The following BROX variants were observed in gnomAD, a reference collection of about 807,000 sequenced individuals.
BROX encodes the protein BRO1 domain and CAAX motif containing.
Under a neutral mutation model 61.0 loss-of-function variants are expected in BROX, and 53 were observed. The ratio of observed to expected loss-of-function variants is 0.87; its 90% confidence interval spans 0.70 to 1.09. The LOEUF is 1.09. BROX is among the 50% of genes least tolerant of loss of function. BROX has a pLI of 0.00. For missense variants in BROX, 489 were observed against 472.0 expected (o/e 1.04, Z -0.33); for synonymous variants, 152 against 160.2 (o/e 0.95, Z 0.38).
chr1:222,722,867 G>C (rs74367745), intron 5 of BROX, among the ~76,000 whole-genome samples: 27,072 of 152,088 alleles, frequency 0.18, 3,547 homozygotes, highest in African/African-American at 0.37. Flanking sequence ...TTTTTATAAC[G>C]TATACTCTTA....
In BROX at chr1:222,730,077, C is replaced by A; in HGVS notation, c.889C>A (p.Pro297Thr). The A allele has an allele frequency of 6.2e-7, 1 of 1,613,320 alleles. No homozygotes were observed. Among genetic ancestry groups the A allele is most frequent in the Admixed American group, 1.7e-5 (1 of 59,902 alleles). The change falls in exon 11 of 13, where the codon CCT becomes ACT. Residue 297 changes from proline (P) to threonine (T), a missense_variant. Pro to Thr is a conservative substitution (Grantham distance 38). Coordinates refer to ENST00000340934, the MANE Select transcript of BROX (RefSeq NM_144695.4). ...TAAAGAATATGGAGAAACCAAAGGA[C>A]CTGGACCAACAGTCAAACCTTCAGG... ...LCKEYGETKGPGPTVKPSGHL... is the reference protein window; with the variant it reads ...LCKEYGETKGTGPTVKPSGHL...
chr1:222,728,897 C>G (rs1240428725), intron 9 of BROX, 69 bp downstream of exon 9: 2 of 1,128,872 alleles, frequency 1.8e-6, no homozygotes, highest in South Asian at 3.0e-5. Context: ...CCAGGTCTCT[C>G]ATCTCACCAG....
chr1:222,719,782 C>CT, intron 4 of BROX, among the ~76,000 whole-genome samples: 1 of 152,312 alleles, frequency 6.6e-6, no homozygotes, highest in South Asian at 2.1e-4. Context: ...ACTCCATACT[C>CT]TTGATTCACA....
rs916116552 is a variant in BROX, at chr1:222,712,864, C to T, written c.-95C>T. ...TCTGTAGTCTCGGTTCTCCGACTCC[C>T]TCTTTTTCTCGCTTGTGGACTCCGA... On this transcript the variant is annotated 5_prime_UTR_variant, in exon 1 of 13. Transcript: ENST00000340934. The T allele has an allele frequency of 4.1e-5, 52 of 1,272,636 alleles. No individual in the cohort carries two copies. In the African/African-American group the frequency reaches 7.5e-4, roughly 18 times the overall value. 78.8% of individuals were successfully genotyped at this position (1,272,636 alleles called of 1,614,324 possible).
In BROX at chr1:222,732,704, A is replaced by T; in HGVS notation, c.1226A>T (p.Tyr409Phe). The T allele has an allele frequency of 6.2e-7, 1 of 1,610,488 alleles. No homozygotes were observed. Among genetic ancestry groups the T allele is most frequent in the African/African-American group, 1.3e-5 (1 of 74,928 alleles). ...AAACCTCAAAAGGACACTGGGTGCT[A>T]CATCTCCTAAAATACAACTTGCACT... ...DIKPQKDTGC[Y>F]IS Residue 409 changes from tyrosine to phenylalanine, a missense_variant, in exon 13 of 13, where the codon TAC becomes TTC. Tyr to Phe is a conservative substitution (Grantham distance 22). Transcript: ENST00000340934.
chr1:222,721,971 C>G (rs201980702), intron 4 of BROX, among the ~76,000 whole-genome samples: 1 of 152,040 alleles, frequency 6.6e-6, no homozygotes, highest in East Asian at 1.9e-4. Context: ...TTTATATATA[C>G]CATTAAACCT....
In BROX at chr1:222,732,751, T is replaced by C; in HGVS notation, c.*37T>C. On this transcript the variant is annotated 3_prime_UTR_variant, in exon 13 of 13. Transcript: ENST00000340934. ...CACTTAGAATTTCTCTAGCAGTAAA[T>C]AAGATAAACCACAGAATTTCAGTTC... The C allele has an allele frequency of 6.8e-7, 1 of 1,469,738 alleles. No individual in the cohort carries two copies. Among genetic ancestry groups the C allele is most frequent in the Non-Finnish European group, 9.5e-7 (1 of 1,057,058 alleles). 91.0% of individuals were successfully genotyped at this position (1,469,738 alleles called of 1,614,324 possible). A position where few individuals can be genotyped will look rare whatever the true frequency, so the allele number is the denominator to read the frequency against.
rs541801275 is a variant in BROX at position 222,712,868 on chromosome 1, T to C, written c.-91T>C. The C allele has an allele frequency of 7.9e-7, 1 of 1,271,010 alleles. No individual in the cohort carries two copies. Among genetic ancestry groups the C allele is most frequent in the Non-Finnish European group, 1.0e-6 (1 of 977,076 alleles). 78.7% of individuals were successfully genotyped at this position (1,271,010 alleles called of 1,614,324 possible). A position where few individuals can be genotyped will look rare whatever the true frequency, so the allele number is the denominator to read the frequency against. On this transcript the variant is annotated 5_prime_UTR_variant, in exon 1 of 13. Transcript: ENST00000340934. ...TAGTCTCGGTTCTCCGACTCCCTCT[T>C]TTTCTCGCTTGTGGACTCCGATATA...
At chr1:222,726,652 G>A (rs1408436897) in intron 7 of BROX, among the ~76,000 whole-genome samples, 1 of 152,088 alleles carries the variant, frequency 6.6e-6, no homozygotes, top group Non-Finnish European at 1.5e-5. Context: ...GGGAGGCGGA[G>A]GTTGTGGTGA....
At chr1:222,721,775 T>A (rs1657113107) in intron 4 of BROX, among the ~76,000 whole-genome samples, 1 of 152,154 alleles carries the variant, frequency 6.6e-6, no homozygotes, top group African/African-American at 2.4e-5. Context: ...CAGTTTGCCT[T>A]CAGCTTGCTT....
chr1:222,714,579 T>G (rs1416796585), intron 1 of BROX, among the ~76,000 whole-genome samples: 12 of 151,122 alleles, frequency 7.9e-5, no homozygotes, highest in African/African-American at 2.2e-4. Context: ...GTTTTTGTTT[T>G]TTGTTTTTTT....
intron 11 of BROX, 25 bp downstream of exon 11, chr1:222,730,202 A>AT: frequency 7.2e-7 from 1 of 1,395,566 alleles, no homozygotes; most frequent in Admixed American, 2.2e-5. Flanking sequence ...ATATTACTTT[A>AT]GTAATAATAT....
At position 222,719,244 on chromosome 1, in the gene BROX, G is replaced by A. The variant is rs1656877221; in HGVS notation, c.209-19G>A. ...CTTCTAATTCTTCTAAAACTAAAAT[G>A]TCTTGTACTTTTCTATAGGTTTCAT... On this transcript the variant is annotated intron_variant, in intron 3 of 12. Transcript: ENST00000340934. 2 of 1,518,686 alleles carry A rather than the reference G, an allele frequency of 1.3e-6. No individual in the cohort carries two copies. The highest frequency in any genetic ancestry group is 1.7e-5 in the Admixed American group (1 of 58,342). The allele number at this position is 1,518,686 out of a possible 1,614,324, so 94.1% of individuals were successfully genotyped here.
At chr1:222,718,776 G>A (rs1328686481) in intron 2 of BROX, 149 bp from the exon 3 acceptor site, 1 of 657,952 alleles carries the variant, frequency 1.5e-6, no homozygotes, top group Admixed American at 3.1e-5. Flanking sequence ...GTGCATGCGT[G>A]TGTGTGTTTT....
intron 6 of BROX, among the ~76,000 whole-genome samples, chr1:222,724,800 G>T (rs971315288): frequency 9.9e-5 from 15 of 151,692 alleles, no homozygotes; most frequent in Non-Finnish European, 1.8e-4. Context: ...TTGTAGTGGG[G>T]TTTTTTTTCT....
Position 222,727,243 on chromosome 1 carries a change from T to A in BROX, c.656T>A (p.Phe219Tyr). Residue 219 changes from phenylalanine to tyrosine, a missense_variant, in exon 8 of 13, where the codon TTC becomes TAC. Physicochemically the swap from Phe to Tyr is conservative, Grantham distance 22. Coordinates refer to ENST00000340934, the MANE Select transcript of BROX (RefSeq NM_144695.4). ...GCACTGGCGTATGAAACAGCCAATT[T>A]CTATCAAAAAGCTGGTAAGCTTCTA... Reference protein sequence around the residue: ...IAALAYETANFYQKADHTLSS... With the variant: ...IAALAYETANYYQKADHTLSS... 6.2e-7 allele frequency: 1 copy of A among 1,611,198 alleles called. No individual in the cohort carries two copies. Among genetic ancestry groups the A allele is most frequent in the Non-Finnish European group, 8.5e-7 (1 of 1,177,842 alleles).
In BROX at chr1:222,731,425, C is replaced by A; in HGVS notation, c.1058C>A (p.Pro353His). The change falls in exon 12 of 13, where the codon CCT becomes CAT. Residue 353 changes from proline to histidine, a missense_variant. Transcript: ENST00000340934. ...AAAGCAAATTATGGTCTCGTAGAGC[C>A]TATACCTTTCGAATTTCCTCCTACA... ...ELKANYGLVE[P>H]IPFEFPPTSV... 1 of 1,602,964 alleles carries A rather than the reference C, an allele frequency of 6.2e-7. No individual in the cohort carries two copies. Among genetic ancestry groups the A allele is most frequent in the Non-Finnish European group, 8.5e-7 (1 of 1,177,220 alleles).
At chr1:222,730,328 G>A in intron 11 of BROX, 151 bp downstream of exon 11, 2 of 478,832 alleles carry the variant, frequency 4.2e-6, no homozygotes, top group Non-Finnish European at 6.6e-6. Flanking sequence ...AGGCGTGGTG[G>A]CTCACAACTG....
At position 222,715,760 on chromosome 1, in the gene BROX, T is replaced by G; in HGVS notation, c.61T>G (p.Tyr21Asp). Residue 21 changes from tyrosine (Y) to aspartate (D), a missense_variant, in exon 2 of 13, where the codon TAT (tyrosine) becomes GAT (aspartate). By Grantham distance (160) the Tyr-to-Asp change is radical (BLOSUM62 -3). Coordinates refer to ENST00000340934, the MANE Select transcript of BROX (RefSeq NM_144695.4). ...CACAGCTCCTGTGTCTTTTAATTAC[T>G]ATGGTGTAGTCACTGGCCCTTCTGC... ...KATAPVSFNYYGVVTGPSASK... is the reference protein window; with the variant it reads ...KATAPVSFNYDGVVTGPSASK... 6.3e-7 allele frequency: 1 copy of G among 1,596,352 alleles called. No homozygotes were observed. Among genetic ancestry groups the G allele is most frequent in the African/African-American group, 1.3e-5 (1 of 74,422 alleles).
Sources: gnomAD v4.1 joint callset for allele counts (sites outside exome capture counted in the v4.1 genomes callset) on GRCh38, gnomAD v4.1.1 for gene constraint, MANE v1.5 for transcripts, NCBI Gene and HGNC (gene_info 2026-07-23, HGNC 2026-07-21) for gene names.